The following CNNM2 variants were observed in gnomAD, a reference collection of about 807,000 sequenced individuals.
CNNM2 encodes cyclin and CBS domain divalent metal cation transport mediator 2, also known as metal transporter CNNM2.
CNNM2 carries 12 observed loss-of-function variants against 66.9 expected under a neutral mutation model. That is an observed-to-expected ratio of 0.18 (90% confidence interval 0.11 to 0.29). The LOEUF (loss-of-function observed/expected upper bound fraction) is 0.29, where lower values mean the gene tolerates loss of function less well. CNNM2 is among the 10% of genes least tolerant of loss of function. CNNM2 has a pLI of 1.00. For missense variants in CNNM2, 705 were observed against 1,167.7 expected (o/e 0.60, Z 5.77); for synonymous variants, 557 against 501.8 (o/e 1.11, Z -1.47).
chr10:103,012,662 A>T (rs1395333698), intron 1 of CNNM2, among the ~76,000 whole-genome samples: 8 of 115,130 alleles, frequency 6.9e-5, no homozygotes, highest in Middle Eastern at 4.5e-3. Flanking sequence ...TTTTTTTTTT[A>T]AAGACAAATT....
intron 1 of CNNM2, among the ~76,000 whole-genome samples, chr10:103,043,612 A>G (rs1308482427): frequency 3.9e-5 from 6 of 152,244 alleles, no homozygotes; most frequent in Admixed American, 6.5e-5. Context: ...TGCAAATAAT[A>G]AACTTTAATT....
intron 1 of CNNM2, among the ~76,000 whole-genome samples, chr10:102,967,011 G>C (rs2063474237): frequency 6.6e-6 from 1 of 152,180 alleles, no homozygotes; most frequent in East Asian, 1.9e-4. Flanking sequence ...GGTCTGGTGT[G>C]ATCCAGCTCA....
chr10:102,927,466 G>C, intron 1 of CNNM2: 1 of 1,603,078 alleles, frequency 6.2e-7, no homozygotes, highest in East Asian at 2.2e-5. Flanking sequence ...GGGATAAAAA[G>C]GGGTGGCAGT....
chr10:102,995,257 G>T (rs2063975781), intron 1 of CNNM2, among the ~76,000 whole-genome samples: 1 of 83,092 alleles, frequency 1.2e-5, no homozygotes, highest in Non-Finnish European at 2.5e-5. Context: ...CTGTCACCTG[G>T]GCTGGAGTGC....
chr10:103,014,192 G>A (rs2064397519), intron 1 of CNNM2, among the ~76,000 whole-genome samples: 1 of 152,148 alleles, frequency 6.6e-6, no homozygotes, highest in African/African-American at 2.4e-5. Flanking sequence ...TTAATTGCAT[G>A]CCTATTGGGT....
At chr10:102,941,200 T>G (rs538835625) in intron 1 of CNNM2, among the ~76,000 whole-genome samples, 9 of 152,334 alleles carry the variant, frequency 5.9e-5, no homozygotes, top group African/African-American at 2.2e-4. Flanking sequence ...AACATAACTT[T>G]CATCTTACCA....
intron 7 of CNNM2, among the ~76,000 whole-genome samples, 185 bp downstream of exon 7, chr10:103,076,455 A>G (rs905676914): frequency 1.1e-4 from 16 of 152,172 alleles, no homozygotes; most frequent in Admixed American, 3.3e-4. Flanking sequence ...GGTTGAGAAA[A>G]ACGTTGATCT....
intron 1 of CNNM2, among the ~76,000 whole-genome samples, chr10:102,924,394 G>A (rs1223668434): frequency 6.6e-6 from 1 of 152,170 alleles, no homozygotes; most frequent in Admixed American, 6.6e-5. Context: ...ACAGCTGCTA[G>A]GGACTTAGCC....
intron 1 of CNNM2, among the ~76,000 whole-genome samples, chr10:102,946,583 A>G (rs1217212489): frequency 2.0e-5 from 3 of 151,692 alleles, no homozygotes; most frequent in African/African-American, 2.4e-5. Flanking sequence ...TTAAAGATCT[A>G]TTCTTCCCTG....
At chr10:102,954,485 G>C (rs898830088) in intron 1 of CNNM2, among the ~76,000 whole-genome samples, 3 of 152,148 alleles carry the variant, frequency 2.0e-5, no homozygotes, top group East Asian at 1.9e-4. Context: ...AATGTAAGAT[G>C]ATGAGGGACC....
intron 1 of CNNM2, among the ~76,000 whole-genome samples, chr10:102,940,246 G>A (rs1425053964): frequency 3.3e-5 from 5 of 151,844 alleles, no homozygotes; most frequent in African/African-American, 9.7e-5. Flanking sequence ...GAGCCACTGC[G>A]CCTGGCCTCC....
At chr10:102,961,762 A>G (rs913513596) in intron 1 of CNNM2, among the ~76,000 whole-genome samples, 2 of 152,132 alleles carry the variant, frequency 1.3e-5, no homozygotes, top group African/African-American at 2.4e-5. Context: ...AAAATTTTAC[A>G]AAGTTTTAAA....
chr10:103,077,398 C>T lies in CNNM2; in HGVS notation c.*218C>T. 3.8e-6 allele frequency: 2 copies of T among 522,454 alleles called. No individual in the cohort carries two copies. Among genetic ancestry groups the T allele is most frequent in the East Asian group, 5.9e-5 (2 of 34,160 alleles). The allele number at this position is 522,454 out of a possible 1,614,324, so 32.4% of individuals were successfully genotyped here. ...AAGTTGGCAGCCGGGGCATGGCGTT[C>T]AAGATTTTGGAGATGAACTGATTCC... On this transcript the variant is annotated 3_prime_UTR_variant, in exon 8 of 8. Coordinates refer to ENST00000369878, the MANE Select transcript of CNNM2 (RefSeq NM_017649.5).
chr10:102,969,598 A>G (rs1255007378), intron 1 of CNNM2, among the ~76,000 whole-genome samples: 3 of 152,116 alleles, frequency 2.0e-5, no homozygotes, highest in Non-Finnish European at 2.9e-5. Flanking sequence ...CGGCTATTTC[A>G]GAAAACACTA....
intron 1 of CNNM2, among the ~76,000 whole-genome samples, chr10:102,976,266 T>C (rs902162352): frequency 6.6e-6 from 1 of 152,102 alleles, no homozygotes; most frequent in Non-Finnish European, 1.5e-5. Context: ...TTATGATTAA[T>C]GAAAGAAGAA....
At chr10:103,056,370 G>GT (rs1217302431) in intron 3 of CNNM2, among the ~76,000 whole-genome samples, 1 of 152,028 alleles carries the variant, frequency 6.6e-6, no homozygotes, top group African/African-American at 2.4e-5. Context: ...AGAGGGAGAC[G>GT]TGGGGCACCT....
At chr10:103,042,416 A>G (rs1451109773) in intron 1 of CNNM2, among the ~76,000 whole-genome samples, 1 of 151,762 alleles carries the variant, frequency 6.6e-6, no homozygotes, top group Non-Finnish European at 1.5e-5. Context: ...TCCCGCCCCT[A>G]CTGTTATGTT....
rs1234090580 is a variant in CNNM2 at position 102,919,079 on chromosome 10, T to C, written c.599T>C (p.Leu200Pro). The C allele has an allele frequency of 6.8e-6, 11 of 1,611,948 alleles. No homozygotes were observed. The highest frequency in any genetic ancestry group is 9.3e-6 in the Non-Finnish European group (11 of 1,179,326). Residue 200 changes from leucine to proline, a missense_variant, in exon 1 of 8, where the codon CTG (leucine) becomes CCG (proline). Physicochemically the swap from Leu to Pro is moderately conservative, Grantham distance 98 (BLOSUM62 -3). Coordinates refer to ENST00000369878, the MANE Select transcript of CNNM2 (RefSeq NM_017649.5). ...YLCTSLSTPA[L>P]GAGGSGSTGG... ...TGCACGTCGCTCTCCACGCCCGCCC[T>C]GGGCGCCGGCGGCTCGGGGTCCACG...
In CNNM2 at chr10:103,049,880, G is replaced by T. The variant is rs140230835; in HGVS notation, c.1765+30G>T. The T allele has an allele frequency of 4.4e-6, 7 of 1,604,352 alleles. No homozygotes were observed. The East Asian group carries it at 1.1e-4, about 26-fold the overall frequency. On this transcript the variant is annotated intron_variant, in intron 2 of 7. Coordinates refer to ENST00000369878, the MANE Select transcript of CNNM2 (RefSeq NM_017649.5). ...GTAGCATTGTCTGAGTGTATTTCCC[G>T]AAACCTTTGCTTTTTTTGTTGTGCT...
Sources: allele counts gnomAD v4.1 joint callset (sites outside exome capture counted in the v4.1 genomes callset), GRCh38; gene constraint gnomAD v4.1.1; transcripts MANE v1.5; gene names NCBI Gene and HGNC (gene_info 2026-07-23, HGNC 2026-07-21).